C22orf42: variants seen among roughly 807,000 people sequenced by gnomAD.
The protein encoded by C22orf42 is uncharacterized protein C22orf42.
A neutral mutation model predicts 31.4 loss-of-function variants in C22orf42; 24 were observed. The observed-to-expected ratio is 0.77, with a 90% CI of 0.55 to 1.08. The LOEUF is 1.08. Among genes scored for constraint, C22orf42 ranks in the 50% least tolerant of loss-of-function variants. The pLI is 0.00. For missense variants in C22orf42, 276 were observed against 327.3 expected, an observed-to-expected ratio of 0.84 and a Z score of 1.21; for synonymous variants, 96 against 112.7, an observed-to-expected ratio of 0.85 and a Z score of 0.94.
chr22:32,149,637 A>C (rs1258930106), intron 8 of C22orf42, 24 bp from the exon 9 acceptor site: 2 of 1,388,806 alleles, frequency 1.4e-6, no homozygotes, highest in Non-Finnish European at 9.4e-7. Flanking sequence ...ACAAGACTTC[A>C]TCTCAAAAAA....
chr22:32,160,124 CG>C (rs1921511644), upstream of C22orf42: 1 of 152,136 alleles, frequency 6.6e-6, no homozygotes. Context: ...TTCCATTTTA[CG>C]GATTTTGCAG....
Position 32,149,736 on chromosome 22 carries a change from G to GAT in C22orf42, c.682+15_682+16dup, listed in dbSNP as rs557911499. 546 of 1,303,826 alleles carry GAT rather than the reference G, an allele frequency of 4.2e-4. 6 individuals are homozygous for GAT. In the South Asian group the frequency reaches 9.8e-3, roughly 23 times the overall value. 80.8% of individuals were successfully genotyped at this position (1,303,826 alleles called of 1,614,324 possible). On this transcript the variant is annotated intron_variant, in intron 8 of 8. Coordinates refer to ENST00000382097, the MANE Select transcript of C22orf42 (RefSeq NM_001010859.3). ...CTACATATATATCTATATATATCTA[G>GAT]ATATATATATACTTACAGAGGTAAT...
At chr22:32,155,808 G>A (rs558100618) in intron 1 of C22orf42, among the ~76,000 whole-genome samples, 1 of 152,310 alleles carries the variant, frequency 6.6e-6, no homozygotes, top group East Asian at 1.9e-4. Flanking sequence ...TAAGGCAGGA[G>A]GATTGCTTGA....
At chr22:32,154,665 C>G (rs1163792819) in intron 1 of C22orf42, among the ~76,000 whole-genome samples, 1 of 152,136 alleles carries the variant, frequency 6.6e-6, no homozygotes, top group Non-Finnish European at 1.5e-5. Flanking sequence ...TGAAATGAAC[C>G]CCTCTGTGCC....
In C22orf42 at chr22:32,149,727, A is replaced by G. The variant is rs376522438; in HGVS notation, c.682+26T>C. ...TATCTATATCTACATATATATCTAT[A>G]TATATCTAGATATATATATACTTAC... On this transcript the variant is annotated intron_variant, in intron 8 of 8. Coordinates refer to ENST00000382097, the MANE Select transcript of C22orf42 (RefSeq NM_001010859.3). 94 of 1,229,692 alleles carry G rather than the reference A, an allele frequency of 7.6e-5. 2 individuals carry two copies. In the East Asian group the frequency reaches 1.5e-3, roughly 19 times the overall value. The allele number at this position is 1,229,692 out of a possible 1,614,324, so 76.2% of individuals were successfully genotyped here.
intron 1 of C22orf42, among the ~76,000 whole-genome samples, chr22:32,157,300 G>A (rs932880727): frequency 1.3e-5 from 2 of 151,986 alleles, no homozygotes; most frequent in African/African-American, 4.8e-5. Flanking sequence ...TCACACAGCC[G>A]CTGGTCAGTC....
At chr22:32,154,189 G>T (rs1921134005) in intron 2 of C22orf42, 55 bp downstream of exon 2, 3 of 1,600,518 alleles carry the variant, frequency 1.9e-6, no homozygotes, top group Admixed American at 1.7e-5. Flanking sequence ...AGCACTGAAT[G>T]AATAAACTGG....
chr22:32,150,987 C>G lies in C22orf42; in HGVS notation c.493+5G>C. ...AAATAAAGCTGTTTAAAAAAAAATA[C>G]GTACGGTGGTCGTGCTTGGCCTCAG... On this transcript the variant is annotated splice_donor_5th_base_variant and intron_variant, in intron 6 of 8. Transcript: ENST00000382097. 6.2e-7 allele frequency: 1 copy of G among 1,610,500 alleles called. No individual in the cohort carries two copies. The highest frequency in any genetic ancestry group is 8.5e-7 in the Non-Finnish European group (1 of 1,178,116).
At chr22:32,156,031 G>A (rs1921242402) in intron 1 of C22orf42, among the ~76,000 whole-genome samples, 2 of 152,114 alleles carry the variant, frequency 1.3e-5, no homozygotes, top group South Asian at 4.1e-4. Context: ...GCAAGACCCT[G>A]TCTCTTAAAA....
chr22:32,152,388 C>T (rs1419540085), intron 3 of C22orf42, among the ~76,000 whole-genome samples, 174 bp downstream of exon 3: 10 of 151,454 alleles, frequency 6.6e-5, no homozygotes, highest in Non-Finnish European at 1.5e-4. Flanking sequence ...CGTCCTTTGA[C>T]GGCCATCGTC....
chr22:32,149,723 C>CTA, intron 8 of C22orf42, 30 bp downstream of exon 8: 5 of 1,109,552 alleles, frequency 4.5e-6, no homozygotes, highest in Non-Finnish European at 2.4e-6. Flanking sequence ...ACATATATAT[C>CTA]TATATATATC....
At chr22:32,153,145 A>G (rs774899546) in intron 2 of C22orf42, among the ~76,000 whole-genome samples, 7 of 152,232 alleles carry the variant, frequency 4.6e-5, no homozygotes, top group Non-Finnish European at 1.0e-4. Context: ...AATGAGAAAT[A>G]TCTAAATTCA....
intron 1 of C22orf42, among the ~76,000 whole-genome samples, chr22:32,158,000 A>G (rs984093494): frequency 9.2e-5 from 14 of 152,380 alleles, no homozygotes; most frequent in African/African-American, 2.9e-4. Flanking sequence ...CTGGGCAATG[A>G]AATCAATAGA....
intron 1 of C22orf42, 51 bp downstream of exon 1, chr22:32,158,933 G>T (rs1477292373): frequency 6.2e-7 from 1 of 1,600,246 alleles, no homozygotes; most frequent in Non-Finnish European, 8.6e-7. Flanking sequence ...GGTGGGGGCG[G>T]TGGTGGCCAG....
chr22:32,152,125 A>G (rs1454678067), intron 3 of C22orf42, 31 bp from the exon 4 acceptor site: 4 of 1,603,338 alleles, frequency 2.5e-6, no homozygotes, highest in Non-Finnish European at 2.5e-6. Context: ...AAGAAACACC[A>G]TGAGGATCAG....
At chr22:32,158,310 A>G (rs1194996740) in intron 1 of C22orf42, among the ~76,000 whole-genome samples, 1 of 152,152 alleles carries the variant, frequency 6.6e-6, no homozygotes, top group African/African-American at 2.4e-5. Context: ...CTGAAGAGAC[A>G]CTCATGTCAA....
chr22:32,152,073 C>T lies in C22orf42; in HGVS notation c.394G>A (p.Asp132Asn), dbSNP rs151297448. ...SDIEIPEAKH[D>N]HRPTEDVQVS... The stretch of plus-strand genomic sequence containing the variant: ...TTAAAAAAAAAATACGTACGGTGGT[C>T]GTGCTTGGCCTCAGGTATTTCCTGC... Residue 132 changes from aspartate (D) to asparagine (N), a missense_variant, in exon 4 of 9, where the codon GAC (aspartate) becomes AAC (asparagine). Physicochemically the swap from Asp to Asn is conservative, Grantham distance 23. Transcript: ENST00000382097. The T allele has an allele frequency of 1.1e-5, 17 of 1,606,256 alleles. No individual in the cohort carries two copies. The Middle Eastern group carries it at 9.9e-4, about 94-fold the overall frequency.
At position 32,151,516 on chromosome 22, in the gene C22orf42, C is replaced by T. The variant is rs147476697; in HGVS notation, c.436G>A (p.Gly146Ser). The change falls in exon 5 of 9, where the codon GGT (glycine) becomes AGT (serine). Residue 146 changes from glycine to serine, a missense_variant. By Grantham distance (56) the Gly-to-Ser change is moderately conservative. Coordinates refer to ENST00000382097, the MANE Select transcript of C22orf42 (RefSeq NM_001010859.3). ...TCTGACGTTATATTCTCCTCCACACCGCCGTGTGCAGACACCTGCACATCT... is the reference window on the plus strand; with the variant it reads ...TCTGACGTTATATTCTCCTCCACACTGCCGTGTGCAGACACCTGCACATCT... ...TEDVQVSAHG[G>S]VEENITSDIE... 4.3e-5 allele frequency: 69 copies of T among 1,613,746 alleles called. No individual in the cohort carries two copies. The highest frequency in any genetic ancestry group is 2.7e-4 in the African/African-American group (20 of 75,040).
intron 1 of C22orf42, among the ~76,000 whole-genome samples, chr22:32,157,625 G>A (rs554041678): frequency 6.6e-6 from 1 of 152,216 alleles, no homozygotes; most frequent in South Asian, 2.1e-4. Flanking sequence ...TATGAAGGTG[G>A]GGACCTTCCG....
Sources: gnomAD v4.1 joint callset for allele counts (sites outside exome capture counted in the v4.1 genomes callset) on GRCh38, gnomAD v4.1.1 for gene constraint, MANE v1.5 for transcripts, NCBI Gene and HGNC (gene_info 2026-07-23, HGNC 2026-07-21) for gene names.